Variants in TLR7 observed in about 807,000 individuals in gnomAD.
TLR7 encodes the protein toll like receptor 7, also known as toll-like receptor 7.
A neutral mutation model predicts 38.3 loss-of-function variants in TLR7; 12 were observed. That is an observed-to-expected ratio of 0.31 (90% confidence interval 0.20 to 0.51). The LOEUF (loss-of-function observed/expected upper bound fraction) is 0.51, where lower values mean the gene tolerates loss of function less well. Among genes scored for constraint, TLR7 ranks in the 20% least tolerant of loss-of-function variants. The probability of loss-of-function intolerance (pLI) is 0.98; values close to 1 mark genes in which losing one functional copy is unlikely to be tolerated. For synonymous variants in TLR7, 285 were observed against 293.8 expected (o/e 0.97, Z 0.31); for missense variants, 504 against 743.4 (o/e 0.68, Z 3.74).
At chrX:12,869,830 C>CAAAAAAAAAAAA (rs34022797) in intron 2 of TLR7, among the ~76,000 whole-genome samples, 1 of 51,465 alleles carries the variant, frequency 1.9e-5, no homozygotes, top group African/African-American at 7.3e-5. Context: ...TGCAGCCAGG[C>CAAAAAAAAAAAA]AAAAAAAAAA....
chrX:12,889,769 G>A lies in TLR7; in HGVS notation c.*1111G>A, dbSNP rs2042924859. 1 of 112,649 alleles carries A rather than the reference G, an allele frequency of 8.9e-6. No homozygotes were observed. Among genetic ancestry groups the A allele is most frequent in the Non-Finnish European group, 1.9e-5 (1 of 53,328 alleles). The allele number at this position is 112,649 out of a possible 1,213,427, so 9.3% of individuals were successfully genotyped here. ...CATCCAATATCTTTCAAACTGTTTT[G>A]TTAACTAATGCCATATATTTGTAAG... On this transcript the variant is annotated 3_prime_UTR_variant, in exon 3 of 3. Transcript: ENST00000380659.
chrX:12,888,739 A>C lies in TLR7; in HGVS notation c.*81A>C. 9.7e-7 allele frequency: 1 copy of C among 1,034,945 alleles called. No homozygotes were observed. The highest frequency in any genetic ancestry group is 1.3e-6 in the Non-Finnish European group (1 of 776,159). 85.3% of individuals were successfully genotyped at this position (1,034,945 alleles called of 1,213,427 possible). A position where few individuals can be genotyped will look rare whatever the true frequency, so the allele number is the denominator to read the frequency against. On this transcript the variant is annotated 3_prime_UTR_variant, in exon 3 of 3. Coordinates refer to ENST00000380659, the MANE Select transcript of TLR7 (RefSeq NM_016562.4). ...AATTGTTTTCATATATATCACACCA[A>C]AAGCGTGTTTTGAAATTCTTCAAGA...
intron 2 of TLR7, among the ~76,000 whole-genome samples, chrX:12,873,002 C>T (rs1007491257): frequency 9.0e-6 from 1 of 110,925 alleles, no homozygotes; most frequent in Non-Finnish European, 1.9e-5. Flanking sequence ...TAGAGAAAGC[C>T]CAACATGCTC....
chrX:12,883,174 G>C (rs1294848811), intron 2 of TLR7, among the ~76,000 whole-genome samples: 1 of 112,275 alleles, frequency 8.9e-6, no homozygotes, highest in Non-Finnish European at 1.9e-5. Flanking sequence ...TCCCTGAGTA[G>C]TGAACATTTT....
Position 12,888,565 on chromosome X carries a change from G to A in TLR7, c.3057G>A (p.Pro1019=). The A allele has an allele frequency of 4.1e-6, 5 of 1,211,426 alleles. No individual in the cohort carries two copies. The highest frequency in any genetic ancestry group is 1.7e-5 in the African/African-American group (1 of 57,720). ...CTGTCCTTGAGTGGCCAACAAACCCGCAAGCTCACCCATACTTCTGGCAGT... is the reference window on the plus strand; with the variant it reads ...CTGTCCTTGAGTGGCCAACAAACCCACAAGCTCACCCATACTTCTGGCAGT... ...GSSVLEWPTN[P]QAHPYFWQCL... is the part of the protein sequence containing the mutation. The change falls in exon 3 of 3, where the codon CCG becomes CCA. Residue 1019 remains proline, a synonymous_variant. Coordinates refer to ENST00000380659, the MANE Select transcript of TLR7 (RefSeq NM_016562.4).
intron 2 of TLR7, among the ~76,000 whole-genome samples, chrX:12,883,265 T>C (rs1000192123): frequency 8.9e-6 from 1 of 112,395 alleles, no homozygotes; most frequent in Non-Finnish European, 1.9e-5. Context: ...ACTGGCATAT[T>C]GCCATATATT....
At chrX:12,881,400 TA>T (rs1569108407) in intron 2 of TLR7, among the ~76,000 whole-genome samples, 1 of 100,054 alleles carries the variant, frequency 1.0e-5, no homozygotes, top group African/African-American at 4.5e-5. Flanking sequence ...ATAAATGAGT[TA>T]TTTATTCTTT....
At chrX:12,874,397 AT>A (rs1452896281) in intron 2 of TLR7, among the ~76,000 whole-genome samples, 2 of 111,655 alleles carry the variant, frequency 1.8e-5, no homozygotes, top group African/African-American at 6.5e-5. Context: ...TGTACTAGTT[AT>A]TTTTTTCCTC....
rs755364962 is a variant in TLR7, at chrX:12,885,512, G to A, written c.4G>A (p.Val2Met). 1.4e-5 allele frequency: 17 copies of A among 1,182,344 alleles called. No individual in the cohort carries two copies. Among genetic ancestry groups the A allele is most frequent in the Non-Finnish European group, 1.8e-5 (16 of 875,882 alleles). Residue 2 changes from valine (V) to methionine (M), a missense_variant and splice_region_variant, in exon 3 of 3, where the codon GTG (valine) becomes ATG (methionine). Transcript: ENST00000380659. ...GATTTGTTCTTTCTTATACTTTCAGGTGTTTCCAATGTGGACACTGAAGAG... is the reference window on the plus strand; with the variant it reads ...GATTTGTTCTTTCTTATACTTTCAGATGTTTCCAATGTGGACACTGAAGAG... The part of the protein sequence containing the change: M[V>M]FPMWTLKRQI...
Position 12,887,854 on chromosome X carries a change from T to A in TLR7, c.2346T>A (p.His782Gln). The A allele has an allele frequency of 8.3e-7, 1 of 1,211,879 alleles. No individual in the cohort carries two copies. Among genetic ancestry groups the A allele is most frequent in the Non-Finnish European group, 1.1e-6 (1 of 895,442 alleles). ...ATCTGAAGATGTTGCTTTTGCATCA[T>A]AATCGGTTTCTGTGCACCTGTGATG... ...LNNLKMLLLH[H>Q]NRFLCTCDAV... is the part of the protein sequence containing the mutation. The change falls in exon 3 of 3, where the codon CAT becomes CAA. Residue 782 changes from histidine to glutamine, a missense_variant. Physicochemically the swap from His to Gln is conservative, Grantham distance 24. Transcript: ENST00000380659.
At position 12,887,336 on chromosome X, in the gene TLR7, T is replaced by G; in HGVS notation, c.1828T>G (p.Ser610Ala). Residue 610 changes from serine (S) to alanine (A), a missense_variant, in exon 3 of 3, where the codon TCC becomes GCC. Physicochemically the swap from Ser to Ala is moderately conservative, Grantham distance 99. Coordinates refer to ENST00000380659, the MANE Select transcript of TLR7 (RefSeq NM_016562.4). ...KLMMNDNDIS[S>A]STSRTMESES... Reference sequence around the variant, plus strand: ...GATGATGAACGACAATGACATCTCTTCCTCCACCAGCAGGACCATGGAGAG... The same window carrying G: ...GATGATGAACGACAATGACATCTCTGCCTCCACCAGCAGGACCATGGAGAG... 8.3e-7 allele frequency: 1 copy of G among 1,211,909 alleles called. No individual in the cohort carries two copies. Among genetic ancestry groups the G allele is most frequent in the Non-Finnish European group, 1.1e-6 (1 of 895,487 alleles).
chrX:12,879,396 A>G (rs1569108046), intron 2 of TLR7, among the ~76,000 whole-genome samples: 1 of 112,335 alleles, frequency 8.9e-6, no homozygotes, highest in Non-Finnish European at 1.9e-5. Flanking sequence ...GCATTTGTGC[A>G]ATAGAAAATC....
At position 12,880,835 on chromosome X, in the gene TLR7, G is replaced by A. The variant is rs5743764; in HGVS notation, c.4-4677G>A. On this transcript the variant is annotated intron_variant, in intron 2 of 2. Transcript: ENST00000380659. ...TAAATCATCAAGATAATTTCTGACC[G>A]TGGTAAGGGCTATGACCGAAATCAA... is the stretch of plus-strand genomic sequence containing the variant. 5.2e-3 allele frequency among the ~76,000 whole-genome samples: 579 copies of A among 111,233 alleles called. 4 individuals are homozygous for A. The highest frequency in any genetic ancestry group is 0.018 in the African/African-American group (557 of 30,599).
At chrX:12,869,121 G>T (rs1157194208) in intron 2 of TLR7, among the ~76,000 whole-genome samples, 1 of 111,700 alleles carries the variant, frequency 9.0e-6, no homozygotes, top group African/African-American at 3.3e-5. Flanking sequence ...GTTCTTCCTA[G>T]ACCAAGCCCA....
In TLR7 at chrX:12,867,573, C is replaced by T. The variant is rs1001960719; in HGVS notation, c.-6C>T. ...CTCTACATTCCATTTTGGAAGAAGA[C>T]TAAAAATGGTAAGAACAGCTCAGAG... On this transcript the variant is annotated 5_prime_UTR_variant, in exon 2 of 3. Transcript: ENST00000380659. 1.5e-5 allele frequency: 18 copies of T among 1,208,366 alleles called. No individual in the cohort carries two copies. Among genetic ancestry groups the T allele is most frequent in the Non-Finnish European group, 1.9e-5 (17 of 892,925 alleles).
In TLR7 at chrX:12,886,526, C is replaced by T; in HGVS notation, c.1018C>T (p.Pro340Ser). The T allele has an allele frequency of 8.3e-7, 1 of 1,211,781 alleles. No individual in the cohort carries two copies. Among genetic ancestry groups the T allele is most frequent in the South Asian group, 1.8e-5 (1 of 56,990 alleles). Reference protein sequence around the residue: ...IGDAKFLHFLPSLIQLDLSFN... With the variant: ...IGDAKFLHFLSSLIQLDLSFN... ...GGATGCTAAATTTCTGCATTTTCTCCCCAGCCTCATCCAATTGGATCTGTC... is the reference window on the plus strand; with the variant it reads ...GGATGCTAAATTTCTGCATTTTCTCTCCAGCCTCATCCAATTGGATCTGTC... Residue 340 changes from proline to serine, a missense_variant, in exon 3 of 3, where the codon CCC (proline) becomes TCC (serine). Physicochemically the swap from Pro to Ser is moderately conservative, Grantham distance 74 (BLOSUM62 -1). Coordinates refer to ENST00000380659, the MANE Select transcript of TLR7 (RefSeq NM_016562.4).
chrX:12,886,372 G>T lies in TLR7; in HGVS notation c.864G>T (p.Ala288=), dbSNP rs368187775. The change falls in exon 3 of 3, where the codon GCG becomes GCT. Residue 288 remains alanine, a synonymous_variant. Coordinates refer to ENST00000380659, the MANE Select transcript of TLR7 (RefSeq NM_016562.4). ...AGATCCCTGTAAATGCTTTTGATGC[G>T]CTGACAGAATTAAAAGTTTTACGTC... ...PLQIPVNAFD[A]LTELKVLRLH... 2 of 1,210,011 alleles carry T rather than the reference G, an allele frequency of 1.7e-6. No homozygotes were observed. Among genetic ancestry groups the T allele is most frequent in the Non-Finnish European group, 2.2e-6 (2 of 895,239 alleles).
At position 12,887,318 on chromosome X, in the gene TLR7, A is replaced by G; in HGVS notation, c.1810A>G (p.Asn604Asp). 8.3e-7 allele frequency: 1 copy of G among 1,211,968 alleles called. No homozygotes were observed. Among genetic ancestry groups the G allele is most frequent in the Non-Finnish European group, 1.1e-6 (1 of 895,555 alleles). ...NLKVLQKLMM[N>D]DNDISSSTSR... ...AAAGGTTCTGCAGAAACTGATGATG[A>G]ACGACAATGACATCTCTTCCTCCAC... The change falls in exon 3 of 3, where the codon AAC (asparagine) becomes GAC (aspartate). Residue 604 changes from asparagine to aspartate, a missense_variant. Transcript: ENST00000380659.
rs931770759 is a variant in TLR7, at chrX:12,878,158, C to T, written c.4-7354C>T. ...ACCTCAGCATTAATTTCACTTTCCTCATTGTAAATGAGCATATCTCTTAGA... is the reference window on the plus strand; with the variant it reads ...ACCTCAGCATTAATTTCACTTTCCTTATTGTAAATGAGCATATCTCTTAGA... On this transcript the variant is annotated intron_variant, in intron 2 of 2. Transcript: ENST00000380659. Among the ~76,000 whole-genome samples, 7 of 111,998 alleles carry T rather than the reference C, an allele frequency of 6.3e-5. No homozygotes were observed. In the East Asian group the frequency reaches 8.4e-4, roughly 13 times the overall value.
Sources: allele counts gnomAD v4.1 joint callset (sites outside exome capture counted in the v4.1 genomes callset), GRCh38; gene constraint gnomAD v4.1.1; transcripts MANE v1.5; gene names NCBI Gene and HGNC (gene_info 2026-07-23, HGNC 2026-07-21).